The following AKAP10 variants were observed in gnomAD, a reference collection of about 807,000 sequenced individuals.
AKAP10 encodes the protein A-kinase anchor protein 10, mitochondrial.
In AKAP10, 24 loss-of-function variants were observed where a neutral mutation model predicts 80.8. The ratio of observed to expected loss-of-function variants is 0.30; its 90% CI spans 0.22 to 0.42. The LOEUF (loss-of-function observed/expected upper bound fraction) is 0.42. Among genes scored for constraint, AKAP10 ranks in the 10% least tolerant of loss-of-function variants. AKAP10 has a pLI of 1.00. For missense variants in AKAP10, 661 were observed against 794.9 expected (o/e 0.83, Z 2.03); for synonymous variants, 291 against 277.7 (o/e 1.05, Z -0.48).
chr17:19,936,316 T>G lies in AKAP10; in HGVS notation c.1437A>C (p.Pro479=), dbSNP rs749110731. The change falls in exon 9 of 15, where the codon CCA becomes CCC. Residue 479 remains proline (P), a synonymous_variant. Transcript: ENST00000225737. The stretch of plus-strand genomic sequence containing the variant: ...CCATGGTTGTCCAGGCCTGACGTAA[T>G]GGAGTTGTGAAACAGTTGGGGAGTG... ...GGPLPNCFTT[P]LRQAWTTMEK... 6.2e-7 allele frequency: 1 copy of G among 1,613,936 alleles called. No individual in the cohort carries two copies. Among genetic ancestry groups the G allele is most frequent in the South Asian group, 1.1e-5 (1 of 91,060 alleles).
chr17:19,977,461 G>A lies in AKAP10; in HGVS notation c.88+131C>T, dbSNP rs890709664. On this transcript the variant is annotated intron_variant, in intron 1 of 14. Transcript: ENST00000225737. ...CCCGGAGCAGAGCAAGGCACTCAGG[G>A]GGCATCTGCGCCGAGGTCGAGGCTC... is the stretch of plus-strand genomic sequence containing the variant. The A allele has an allele frequency of 1.8e-4, 112 of 619,988 alleles. No individual in the cohort carries two copies. The African/African-American group carries it at 2.0e-3, about 11-fold the overall frequency. 38.4% of individuals were successfully genotyped at this position (619,988 alleles called of 1,614,324 possible).
chr17:19,977,135 C>G (rs576816199), intron 1 of AKAP10, among the ~76,000 whole-genome samples: 3 of 152,098 alleles, frequency 2.0e-5, no homozygotes, highest in East Asian at 3.9e-4. Context: ...TACCCCTCCC[C>G]CCAAAGAGGA....
chr17:19,958,753 C>A (rs1346951862), intron 3 of AKAP10, among the ~76,000 whole-genome samples, 182 bp from the exon 4 acceptor site: 1 of 151,558 alleles, frequency 6.6e-6, no homozygotes, highest in Non-Finnish European at 1.5e-5. Flanking sequence ...AAAGTACAAT[C>A]GTCCAAAACT....
chr17:19,968,371 A>G (rs774231535), intron 2 of AKAP10, 43 bp downstream of exon 2: 2 of 1,521,612 alleles, frequency 1.3e-6, no homozygotes, highest in South Asian at 1.1e-5. Context: ...AATGCAAAGC[A>G]CATCACTTTT....
Position 19,909,199 on chromosome 17 carries a change from C to T in AKAP10, c.1965G>A (p.Pro655=), listed in dbSNP as rs138663265. Residue 655 remains proline, a synonymous_variant, in exon 14 of 15, where the codon CCG becomes CCA. Transcript: ENST00000225737. Reference sequence around the variant, plus strand: ...TCCTTACCTTTGTAGATTTCTCTAACGGTTGATCATACTGAGCCTGCTGCA... The same window carrying T: ...TCCTTACCTTTGTAGATTTCTCTAATGGTTGATCATACTGAGCCTGCTGCA... ...DIMQQAQYDQ[P]LEKSTKL is the part of the protein sequence containing the mutation. The T allele has an allele frequency of 9.9e-6, 16 of 1,612,144 alleles. No homozygotes were observed. The highest frequency in any genetic ancestry group is 5.3e-5 in the African/African-American group (4 of 74,804).
intron 1 of AKAP10, among the ~76,000 whole-genome samples, chr17:19,973,795 T>C (rs898963903): frequency 5.3e-5 from 8 of 152,168 alleles, no homozygotes; most frequent in Non-Finnish European, 1.2e-4. Flanking sequence ...TGAGACGTGG[T>C]AGGATTTCGA....
At chr17:19,911,835 CAAAAAAAAAAAAA>C (rs71157844) in intron 12 of AKAP10, among the ~76,000 whole-genome samples, 23 of 55,008 alleles carry the variant, frequency 4.2e-4, no homozygotes, top group East Asian at 2.9e-3. Context: ...AACTCTGTCA[CAAAAAAAAAAAAA>C]AAAAAAAAAA....
intron 4 of AKAP10, among the ~76,000 whole-genome samples, chr17:19,947,985 CAAA>C (rs35869599): frequency 1.9e-5 from 2 of 103,238 alleles, no homozygotes; most frequent in Admixed American, 1.9e-4. Flanking sequence ...GACTCCGTCT[CAAA>C]AAAAAAAAAA....
rs199699511 is a variant in AKAP10, at chr17:19,945,356, C to A, written c.976+2051G>T. Among the ~76,000 whole-genome samples, 329 of 152,168 alleles carry A rather than the reference C, an allele frequency of 2.2e-3. 4 individuals carry two copies. Among genetic ancestry groups the A allele is most frequent in the East Asian group, 1.2e-3 (6 of 5,188 alleles). On this transcript the variant is annotated intron_variant, in intron 5 of 14. Transcript: ENST00000225737. ...CCTCAAAAAAAAATCACTAGCCAAC[C>A]AATTCTTCAAACAGGCAAACTCTAA...
At chr17:19,976,279 G>T (rs1333459079) in intron 1 of AKAP10, among the ~76,000 whole-genome samples, 1 of 151,978 alleles carries the variant, frequency 6.6e-6, no homozygotes, top group East Asian at 1.9e-4. Flanking sequence ...TTGAGGTCAG[G>T]GGTTCAAGAC....
chr17:19,909,346 C>A, intron 13 of AKAP10, 70 bp from the exon 14 acceptor site: 1 of 1,345,716 alleles, frequency 7.4e-7, no homozygotes. Context: ...ATACTCAGTG[C>A]TCTTAACAAA....
At chr17:19,963,211 CTT>C (rs35363359) in intron 2 of AKAP10, among the ~76,000 whole-genome samples, 189 bp from the exon 3 acceptor site, 94 of 119,558 alleles carry the variant, frequency 7.9e-4, no homozygotes, top group Middle Eastern at 4.6e-3. Flanking sequence ...AGAAAACACT[CTT>C]TTTTTTTTTT....
At chr17:19,963,043 G>A in intron 2 of AKAP10, 21 bp from the exon 3 acceptor site, 3 of 1,580,996 alleles carry the variant, frequency 1.9e-6, no homozygotes, top group South Asian at 1.1e-5. Flanking sequence ...TCAAAAAATT[G>A]TTAAGAATTA....
At position 19,966,237 on chromosome 17, in the gene AKAP10, C is replaced by T. The variant is rs531181067; in HGVS notation, c.136+2177G>A. 8.5e-4 allele frequency among the ~76,000 whole-genome samples: 130 copies of T among 152,226 alleles called. 2 individuals carry two copies. Among genetic ancestry groups the T allele is most frequent in the Non-Finnish European group, 1.0e-3 (69 of 68,006 alleles). The stretch of plus-strand genomic sequence containing the variant: ...CAATCTTAAATATCCCTCTCTCTCA[C>T]ACCTCATATTTAATCAATAATAAAC... On this transcript the variant is annotated intron_variant, in intron 2 of 14. Coordinates refer to ENST00000225737, the MANE Select transcript of AKAP10 (RefSeq NM_007202.4).
intron 5 of AKAP10, among the ~76,000 whole-genome samples, chr17:19,946,225 TATATATATATA>T (rs2043110318): frequency 1.4e-4 from 3 of 22,032 alleles, no homozygotes. Context: ...ATATATTTTA[TATATATATATA>T]TTATATATAT....
At chr17:19,936,121 C>A in intron 9 of AKAP10, 165 bp downstream of exon 9, 1 of 613,306 alleles carries the variant, frequency 1.6e-6, no homozygotes, top group Admixed American at 3.5e-5. Context: ...TTATGTGGCA[C>A]GTGACTGTAC....
At chr17:19,930,183 A>G (rs1486284102) in intron 10 of AKAP10, among the ~76,000 whole-genome samples, 1 of 152,188 alleles carries the variant, frequency 6.6e-6, no homozygotes, top group Non-Finnish European at 1.5e-5. Context: ...AAGGCCCAGT[A>G]TTGAAAATTC....
intron 5 of AKAP10, among the ~76,000 whole-genome samples, chr17:19,943,079 G>A (rs2043066300): frequency 6.6e-6 from 1 of 151,966 alleles, no homozygotes; most frequent in Non-Finnish European, 1.5e-5. Flanking sequence ...TTTTGTAAGG[G>A]GGTCTCACTA....
chr17:19,968,798 T>C (rs1045032661), intron 1 of AKAP10, among the ~76,000 whole-genome samples: 3 of 152,250 alleles, frequency 2.0e-5, no homozygotes, highest in African/African-American at 7.2e-5. Flanking sequence ...TTTATAAAAT[T>C]AGGTCAATAA....
Sources: gnomAD v4.1 joint callset for allele counts (sites outside exome capture counted in the v4.1 genomes callset) on GRCh38, gnomAD v4.1.1 for gene constraint, MANE v1.5 for transcripts, NCBI Gene and HGNC (gene_info 2026-07-23, HGNC 2026-07-21) for gene names.